The following KCNIP4 variants were observed in gnomAD, a reference collection of about 807,000 sequenced individuals.
KCNIP4 encodes potassium voltage-gated channel interacting protein 4.
KCNIP4 carries 12 observed loss-of-function variants against 34.0 expected under a neutral mutation model. The ratio of observed to expected loss-of-function variants is 0.35; its 90% CI spans 0.23 to 0.57. The LOEUF (loss-of-function observed/expected upper bound fraction) is 0.57. Among genes scored for constraint, KCNIP4 ranks in the 20% least tolerant of loss-of-function variants. The probability of loss-of-function intolerance (pLI) is 0.83; values close to 1 mark genes in which losing one functional copy is unlikely to be tolerated. For synonymous variants in KCNIP4, 124 were observed against 102.2 expected (o/e 1.21, Z -1.29); for missense variants, 238 against 311.7 (o/e 0.76, Z 1.78).
chr4:21,018,253 G>A (rs1196943609), intron 1 of KCNIP4, among the ~76,000 whole-genome samples: 1 of 152,054 alleles, frequency 6.6e-6, no homozygotes, highest in Non-Finnish European at 1.5e-5. Flanking sequence ...CGTTTGTCAA[G>A]CTCTCACCGT....
intron 1 of KCNIP4, among the ~76,000 whole-genome samples, chr4:21,560,372 A>G (rs1028831340): frequency 2.0e-5 from 3 of 152,122 alleles, no homozygotes; most frequent in African/African-American, 7.2e-5. Flanking sequence ...GAGCCTTATT[A>G]AAATTTAAAG....
intron 1 of KCNIP4, among the ~76,000 whole-genome samples, chr4:21,219,125 C>T (rs1391788443): frequency 6.6e-6 from 1 of 152,108 alleles, no homozygotes; most frequent in Non-Finnish European, 1.5e-5. Context: ...AAATATGCAA[C>T]CCAGCAAACC....
chr4:21,804,322 G>C (rs1175348244), intron 1 of KCNIP4, among the ~76,000 whole-genome samples: 1 of 152,210 alleles, frequency 6.6e-6, no homozygotes, highest in East Asian at 1.9e-4. Flanking sequence ...CATGATTATA[G>C]AGTGGTCTTG....
At chr4:21,121,008 T>C (rs1750110778) in intron 1 of KCNIP4, among the ~76,000 whole-genome samples, 5 of 152,336 alleles carry the variant, frequency 3.3e-5, no homozygotes, top group African/African-American at 9.6e-5. Flanking sequence ...GGAAGCTGAG[T>C]GTGTGACAGT....
At chr4:21,464,883 C>G (rs1170479718) in intron 1 of KCNIP4, 1 of 152,072 alleles carries the variant, frequency 6.6e-6, no homozygotes, top group Non-Finnish European at 1.5e-5. Flanking sequence ...TTACTCATTT[C>G]TCATAAAAGT....
intron 1 of KCNIP4, among the ~76,000 whole-genome samples, chr4:21,519,765 GTGTATACACACGTGTGTGTA>G (rs1735332946): frequency 7.3e-6 from 1 of 136,528 alleles, no homozygotes; most frequent in South Asian, 2.4e-4. Flanking sequence ...GTATGTATGT[GTGTATACACACGTGTGTGTA>G]TGTGTGTGTA....
chr4:21,258,381 T>C (rs964060375), intron 1 of KCNIP4, among the ~76,000 whole-genome samples: 4 of 152,128 alleles, frequency 2.6e-5, no homozygotes, highest in Non-Finnish European at 4.4e-5. Context: ...AAAATGCAAA[T>C]TTACTTTATC....
At chr4:21,658,985 T>C (rs1748205117) in intron 1 of KCNIP4, among the ~76,000 whole-genome samples, 1 of 152,240 alleles carries the variant, frequency 6.6e-6, no homozygotes, top group Non-Finnish European at 1.5e-5. Context: ...ACTGAATTAG[T>C]AAGTGGACCT....
chr4:20,789,195 T>C (rs886476783), intron 3 of KCNIP4, among the ~76,000 whole-genome samples: 1 of 152,162 alleles, frequency 6.6e-6, no homozygotes, highest in African/African-American at 2.4e-5. Context: ...AAAAACTCTA[T>C]TGCTAAAACC....
rs374811029 is a variant in KCNIP4, at chr4:21,803,175, G to A, written c.61+145396C>T. 2.6e-4 allele frequency among the ~76,000 whole-genome samples: 39 copies of A among 152,182 alleles called. No individual in the cohort carries two copies. The East Asian group carries it at 3.7e-3, about 14-fold the overall frequency. On this transcript the variant is annotated intron_variant, in intron 1 of 8. Coordinates refer to ENST00000382152, the MANE Select transcript of KCNIP4 (RefSeq NM_025221.6). Reference sequence around the variant, plus strand: ...TAGTAAACGTGCCATGCATCAAGCCGGTAAATGTCACGACATCTCTTGAGT... The same window carrying A: ...TAGTAAACGTGCCATGCATCAAGCCAGTAAATGTCACGACATCTCTTGAGT...
Position 21,633,954 on chromosome 4 carries a change from G to A in KCNIP4, c.61+314617C>T, listed in dbSNP as rs184362249. Among the ~76,000 whole-genome samples, 44 of 151,888 alleles carry A rather than the reference G, an allele frequency of 2.9e-4. 1 individual carries two copies. Among genetic ancestry groups the A allele is most frequent in the Admixed American group, 5.3e-4 (8 of 15,212 alleles). ...ACTTACATTCTCATATCTGCTTCTGGATTTAGTCTGCTATGATAGTCATCG... is the reference window on the plus strand; with the variant it reads ...ACTTACATTCTCATATCTGCTTCTGAATTTAGTCTGCTATGATAGTCATCG... On this transcript the variant is annotated intron_variant, in intron 1 of 8. Coordinates refer to ENST00000382152, the MANE Select transcript of KCNIP4 (RefSeq NM_025221.6).
At position 21,688,933 on chromosome 4, in the gene KCNIP4, T is replaced by C. The variant is rs145664664; in HGVS notation, c.61+259638A>G. On this transcript the variant is annotated intron_variant, in intron 1 of 8. Transcript: ENST00000382152. ...CCGTTGCTTCACCTACCTTGCCCATTGTCCTTGCCTAAAATTGTCCTTGAC... is the reference window on the plus strand; with the variant it reads ...CCGTTGCTTCACCTACCTTGCCCATCGTCCTTGCCTAAAATTGTCCTTGAC... 2.6e-3 allele frequency among the ~76,000 whole-genome samples: 403 copies of C among 152,116 alleles called. 1 individual carries two copies. The highest frequency in any genetic ancestry group is 7.8e-3 in the African/African-American group (322 of 41,518).
intron 1 of KCNIP4, among the ~76,000 whole-genome samples, chr4:21,678,241 C>T (rs1459407231): frequency 1.3e-5 from 2 of 150,900 alleles, no homozygotes; most frequent in Non-Finnish European, 2.9e-5. Flanking sequence ...TTCATGCAAA[C>T]TTTATCATTA....
intron 5 of KCNIP4, among the ~76,000 whole-genome samples, chr4:20,745,407 A>C (rs560306111): frequency 1.3e-5 from 2 of 152,174 alleles, no homozygotes; most frequent in East Asian, 3.9e-4. Flanking sequence ...GAGTTACTCA[A>C]AACAGGAATG....
intron 1 of KCNIP4, among the ~76,000 whole-genome samples, chr4:21,140,003 T>C (rs1474962274): frequency 6.6e-6 from 1 of 152,144 alleles, no homozygotes; most frequent in Non-Finnish European, 1.5e-5. Flanking sequence ...AGTTACAGGA[T>C]AGATGTCCCT....
chr4:21,533,654 A>C (rs1736903868), intron 1 of KCNIP4, among the ~76,000 whole-genome samples: 1 of 152,130 alleles, frequency 6.6e-6, no homozygotes, highest in Admixed American at 6.6e-5. Context: ...AACAGAAAAA[A>C]ACTTTTAATA....
intron 1 of KCNIP4, among the ~76,000 whole-genome samples, chr4:20,890,380 T>A (rs1428477964): frequency 6.6e-6 from 1 of 152,064 alleles, no homozygotes; most frequent in Non-Finnish European, 1.5e-5. Flanking sequence ...TAATTTTAAA[T>A]ATGGTGGCCA....
intron 1 of KCNIP4, among the ~76,000 whole-genome samples, chr4:21,508,108 G>C (rs1733999290): frequency 6.6e-6 from 1 of 152,090 alleles, no homozygotes; most frequent in Admixed American, 6.6e-5. Context: ...CTGCCCTTGA[G>C]GTTTGAATAG....
At chr4:21,514,144 T>C (rs192113383) in intron 1 of KCNIP4, among the ~76,000 whole-genome samples, 7 of 152,302 alleles carry the variant, frequency 4.6e-5, no homozygotes, top group African/African-American at 1.7e-4. Flanking sequence ...AGAAAAATGT[T>C]AACTGTAAGA....
Sources: allele counts gnomAD v4.1 joint callset (sites outside exome capture counted in the v4.1 genomes callset), GRCh38; gene constraint gnomAD v4.1.1; transcripts MANE v1.5; gene names NCBI Gene and HGNC (gene_info 2026-07-23, HGNC 2026-07-21).